CDC16: variants seen among roughly 807,000 people sequenced by gnomAD.
CDC16 encodes cell division cycle 16.
In CDC16, 34 loss-of-function variants were observed where a neutral mutation model predicts 87.0. The ratio of observed to expected loss-of-function variants is 0.39; its 90% CI spans 0.30 to 0.52. The LOEUF is 0.52. CDC16 is among the 20% of genes least tolerant of loss of function. The pLI is 0.74. For missense variants in CDC16, 653 were observed against 751.9 expected, an observed-to-expected ratio of 0.87 and a Z score of 1.54; for synonymous variants, 263 against 260.6, an observed-to-expected ratio of 1.01 and a Z score of -0.09.
chr13:114,235,072 G>A lies in CDC16; in HGVS notation c.-13G>A, dbSNP rs1308219564. 14 of 1,246,718 alleles carry A rather than the reference G, an allele frequency of 1.1e-5. No individual in the cohort carries two copies. Among genetic ancestry groups the A allele is most frequent in the Non-Finnish European group, 1.3e-5 (13 of 996,344 alleles). The allele number at this position is 1,246,718 out of a possible 1,614,324, so 77.2% of individuals were successfully genotyped here. ...AGCGGCGGAGTGTGGCGTGAGGCCGGGCCCGCGCCGCCATGAACCTAGAGC... is the reference window on the plus strand; with the variant it reads ...AGCGGCGGAGTGTGGCGTGAGGCCGAGCCCGCGCCGCCATGAACCTAGAGC... On this transcript the variant is annotated 5_prime_UTR_variant, in exon 1 of 18. Coordinates refer to ENST00000356221, the MANE Select transcript of CDC16 (RefSeq NM_001078645.3).
intron 12 of CDC16, among the ~76,000 whole-genome samples, chr13:114,251,127 C>T (rs952833858): frequency 2.0e-4 from 31 of 152,150 alleles, no homozygotes; most frequent in African/African-American, 7.5e-4. Context: ...TAGAGTATTG[C>T]TGTTCACATT....
chr13:114,271,104 G>C (rs2083614879), intron 17 of CDC16, among the ~76,000 whole-genome samples: 1 of 151,300 alleles, frequency 6.6e-6, no homozygotes, highest in South Asian at 2.1e-4. Context: ...TGTATTTTTA[G>C]TAGAGACGGG....
intron 6 of CDC16, among the ~76,000 whole-genome samples, chr13:114,242,951 A>C (rs1418932366): frequency 6.6e-6 from 1 of 152,128 alleles, no homozygotes; most frequent in Admixed American, 6.5e-5. Flanking sequence ...TGCAGTACAC[A>C]GGCTCCCCTG....
chr13:114,241,674 T>G (rs2081560572), intron 5 of CDC16, among the ~76,000 whole-genome samples: 1 of 152,246 alleles, frequency 6.6e-6, no homozygotes, highest in African/African-American at 2.4e-5. Context: ...TTTTTATTTA[T>G]GCCTTGACAG....
In CDC16 at chr13:114,239,337, GT is replaced by G; in HGVS notation, c.241-9del. On this transcript the variant is annotated splice_polypyrimidine_tract_variant and intron_variant, in intron 4 of 17. Transcript: ENST00000356221. ...GTCGTGAGTGATGAGCGGCACTTCT[GT>G]TTTCCACGTAGTATGCTGCAAAAGA... 1 of 1,586,272 alleles carries G rather than the reference GT, an allele frequency of 6.3e-7. No homozygotes were observed. The highest frequency in any genetic ancestry group is 8.6e-7 in the Non-Finnish European group (1 of 1,160,636).
chr13:114,239,916 G>T (rs1488093064), intron 5 of CDC16, among the ~76,000 whole-genome samples: 1 of 151,738 alleles, frequency 6.6e-6, no homozygotes, highest in Non-Finnish European at 1.5e-5. Context: ...ATTTCAGTTT[G>T]TATACTTCAT....
intron 13 of CDC16, among the ~76,000 whole-genome samples, chr13:114,257,947 C>A (rs17338159): frequency 6.6e-6 from 1 of 151,920 alleles, no homozygotes; most frequent in African/African-American, 2.4e-5. Context: ...CCACCACGCC[C>A]GGCTAATTTT....
chr13:114,238,702 G>A (rs1182352050), intron 3 of CDC16, among the ~76,000 whole-genome samples: 2 of 152,172 alleles, frequency 1.3e-5, no homozygotes, highest in Admixed American at 1.3e-4. Flanking sequence ...TCTCCACCTG[G>A]TTGATGCTTT....
At position 114,235,121 on chromosome 13, in the gene CDC16, T is replaced by TACCTCGACCAGGTGGGCG; in HGVS notation, c.38_48+7dup. 8.0e-7 allele frequency: 1 copy of TACCTCGACCAGGTGGGCG among 1,244,554 alleles called. No individual in the cohort carries two copies. The highest frequency in any genetic ancestry group is 3.6e-5 in the South Asian group (1 of 27,624). The allele number at this position is 1,244,554 out of a possible 1,614,324, so 77.1% of individuals were successfully genotyped here. A position where few individuals can be genotyped will look rare whatever the true frequency, so the allele number is the denominator to read the frequency against. On this transcript the variant is annotated inframe_insertion, in exon 1 of 18. Coordinates refer to ENST00000356221, the MANE Select transcript of CDC16 (RefSeq NM_001078645.3). Reference sequence around the variant, plus strand: ...GCGGCTGCGGAAGCGCGTCCGGCAGTACCTCGACCAGGTGGGCGGCCCCGA... The same window carrying TACCTCGACCAGGTGGGCG: ...GCGGCTGCGGAAGCGCGTCCGGCAGTACCTCGACCAGGTGGGCGACCTCGACCAGGTGGGCGGCCCCGA...
chr13:114,259,272 T>A (rs548887044), intron 13 of CDC16, 63 bp from the exon 14 acceptor site: 529 of 1,218,994 alleles, frequency 4.3e-4, no homozygotes, highest in South Asian at 5.9e-4. Flanking sequence ...TAATCAAAAA[T>A]TTTTTTAAAG....
intron 1 of CDC16, 60 bp downstream of exon 1, chr13:114,235,192 C>G: frequency 8.7e-7 from 1 of 1,147,216 alleles, no homozygotes; most frequent in Non-Finnish European, 1.1e-6. Flanking sequence ...TTCCGCGCGG[C>G]GTGGGGCTGG....
At chr13:114,270,641 A>C (rs554638481) in intron 17 of CDC16, among the ~76,000 whole-genome samples, 75 of 152,350 alleles carry the variant, frequency 4.9e-4, no homozygotes, top group Non-Finnish European at 8.5e-4. Flanking sequence ...ATGCATGTAC[A>C]TAGGGTTCAT....
intron 11 of CDC16, chr13:114,247,316 G>T: frequency 7.6e-6 from 2 of 264,612 alleles, no homozygotes; most frequent in Non-Finnish European, 1.4e-5. Flanking sequence ...GCACCACCAT[G>T]CCTAGCTGAT....
chr13:114,262,017 G>A (rs757286099), intron 15 of CDC16, 69 bp downstream of exon 15: 3 of 931,432 alleles, frequency 3.2e-6, no homozygotes, highest in Non-Finnish European at 5.0e-6. Flanking sequence ...TGAATACTTT[G>A]TCATATTCTT....
rs1464560678 is a variant in CDC16, at chr13:114,243,998, A to G, written c.767+9A>G. The G allele has an allele frequency of 1.9e-6, 3 of 1,598,340 alleles. No individual in the cohort carries two copies. Among genetic ancestry groups the G allele is most frequent in the South Asian group, 1.1e-5 (1 of 89,920 alleles). Reference sequence around the variant, plus strand: ...TACAAGCTTACTTCTGTGTAAGTATATCCATCCATTTTTCTGTAGGAACAT... The same window carrying G: ...TACAAGCTTACTTCTGTGTAAGTATGTCCATCCATTTTTCTGTAGGAACAT... On this transcript the variant is annotated intron_variant, in intron 8 of 17. Coordinates refer to ENST00000356221, the MANE Select transcript of CDC16 (RefSeq NM_001078645.3).
At chr13:114,270,060 A>G (rs557546499) in intron 17 of CDC16, among the ~76,000 whole-genome samples, 1 of 152,342 alleles carries the variant, frequency 6.6e-6, no homozygotes, top group African/African-American at 2.4e-5. Flanking sequence ...TTCCATTTAT[A>G]GGAAGATTAG....
chr13:114,258,328 G>A (rs2082633695), intron 13 of CDC16, among the ~76,000 whole-genome samples: 1 of 152,230 alleles, frequency 6.6e-6, no homozygotes, highest in African/African-American at 2.4e-5. Flanking sequence ...GGAGAAAGCT[G>A]GGTCTCCTGG....
rs763999838 is a variant in CDC16, at chr13:114,257,176, C to A, written c.1196C>A (p.Pro399Gln). ...TTCAGCCAAGCTCTGAGCATTGCACCGGAAGACCCTTTTGTTATGCATGAG... is the reference window on the plus strand; with the variant it reads ...TTCAGCCAAGCTCTGAGCATTGCACAGGAAGACCCTTTTGTTATGCATGAG... ...RFFSQALSIA[P>Q]EDPFVMHEVG... Residue 399 changes from proline to glutamine, a missense_variant, in exon 13 of 18, where the codon CCG (proline) becomes CAG (glutamine). Pro to Gln is a moderately conservative substitution (Grantham distance 76). Transcript: ENST00000356221. 6.2e-7 allele frequency: 1 copy of A among 1,613,274 alleles called. No homozygotes were observed. The highest frequency in any genetic ancestry group is 8.5e-7 in the Non-Finnish European group (1 of 1,179,530).
At chr13:114,271,466 A>G (rs1172862668) in intron 17 of CDC16, among the ~76,000 whole-genome samples, 1 of 151,794 alleles carries the variant, frequency 6.6e-6, no homozygotes, top group Non-Finnish European at 1.5e-5. Flanking sequence ...ACTATACCCA[A>G]TGGGCACAGC....
Sources: allele counts gnomAD v4.1 joint callset (sites outside exome capture counted in the v4.1 genomes callset), GRCh38; gene constraint gnomAD v4.1.1; transcripts MANE v1.5; gene names NCBI Gene and HGNC (gene_info 2026-07-23, HGNC 2026-07-21).